CNTNAP5: variants seen among roughly 807,000 people sequenced by gnomAD.
CNTNAP5 encodes the protein contactin associated protein family member 5, also known as contactin-associated protein-like 5.
A neutral mutation model predicts 150.2 loss-of-function variants in CNTNAP5; 72 were observed. That is an observed-to-expected ratio of 0.48 (90% CI 0.40 to 0.58). The LOEUF (loss-of-function observed/expected upper bound fraction) is 0.58, where lower values mean the gene tolerates loss of function less well. CNTNAP5 is among the 20% of genes least tolerant of loss of function. The pLI is 0.00. For synonymous variants in CNTNAP5, 672 were observed against 619.8 expected, an observed-to-expected ratio of 1.08 and a Z score of -1.25; for missense variants, 1,636 against 1,626.2, an observed-to-expected ratio of 1.01 and a Z score of -0.10.
chr2:124,404,684 C>T (rs746647864), intron 3 of CNTNAP5, among the ~76,000 whole-genome samples: 6 of 152,218 alleles, frequency 3.9e-5, no homozygotes, highest in Non-Finnish European at 7.3e-5. Flanking sequence ...CGAGTAAGCT[C>T]TCCCTGTGAT....
At chr2:124,223,633 T>C (rs1187720282) in intron 2 of CNTNAP5, among the ~76,000 whole-genome samples, 4 of 151,882 alleles carry the variant, frequency 2.6e-5, no homozygotes, top group African/African-American at 7.2e-5. Context: ...TACTGCCTAA[T>C]AGCTCCTGAG....
intron 1 of CNTNAP5, among the ~76,000 whole-genome samples, chr2:124,208,892 G>A (rs1685932878): frequency 6.6e-6 from 1 of 152,148 alleles, no homozygotes; most frequent in Admixed American, 6.5e-5. Context: ...CATTAATTAA[G>A]CATTTTCTTT....
At chr2:124,259,900 A>G (rs1687408478) in intron 3 of CNTNAP5, among the ~76,000 whole-genome samples, 2 of 152,202 alleles carry the variant, frequency 1.3e-5, no homozygotes, top group Non-Finnish European at 2.9e-5. Flanking sequence ...TTCCATGCTC[A>G]TGTGTAGGAA....
At chr2:124,370,397 G>A (rs142356734) in intron 3 of CNTNAP5, among the ~76,000 whole-genome samples, 31 of 152,182 alleles carry the variant, frequency 2.0e-4, no homozygotes, top group Admixed American at 4.6e-4. Context: ...GGGTATTCCA[G>A]GTCACTCTGC....
At chr2:124,164,669 A>G (rs1352238180) in intron 1 of CNTNAP5, among the ~76,000 whole-genome samples, 4 of 152,192 alleles carry the variant, frequency 2.6e-5, no homozygotes, top group Non-Finnish European at 5.9e-5. Context: ...CGGAAGAGAA[A>G]GGCAGAAAGG....
chr2:124,581,886 G>T (rs1696422583), intron 11 of CNTNAP5, among the ~76,000 whole-genome samples: 1 of 152,220 alleles, frequency 6.6e-6, no homozygotes. Flanking sequence ...TCATATTGCA[G>T]TGTCGATGGT....
intron 21 of CNTNAP5, among the ~76,000 whole-genome samples, chr2:124,888,930 G>A (rs1314342664): frequency 6.6e-6 from 1 of 151,950 alleles, no homozygotes; most frequent in Non-Finnish European, 1.5e-5. Flanking sequence ...CTGTGCAGAA[G>A]CTCTTTAGTT....
intron 7 of CNTNAP5, among the ~76,000 whole-genome samples, chr2:124,491,207 A>G (rs1054292817): frequency 1.3e-5 from 2 of 152,162 alleles, no homozygotes; most frequent in South Asian, 2.1e-4. Context: ...TTTGATTAAC[A>G]TCTCTCCATT....
chr2:124,835,840 C>T (rs1217405708), intron 19 of CNTNAP5, among the ~76,000 whole-genome samples: 1 of 152,140 alleles, frequency 6.6e-6, no homozygotes, highest in East Asian at 1.9e-4. Flanking sequence ...CACTTGCTCT[C>T]TTCTGACTTA....
chr2:124,673,705 T>C (rs1231950225), intron 13 of CNTNAP5, among the ~76,000 whole-genome samples: 1 of 151,886 alleles, frequency 6.6e-6, no homozygotes, highest in African/African-American at 2.4e-5. Flanking sequence ...TTTCTGATTT[T>C]ATAGAGAAGC....
chr2:124,427,619 G>A (rs539180032), intron 4 of CNTNAP5, among the ~76,000 whole-genome samples: 53 of 151,988 alleles, frequency 3.5e-4, no homozygotes, highest in African/African-American at 1.2e-3. Context: ...AGGACGCCCG[G>A]CTAATTTTTG....
At chr2:124,387,019 T>C (rs1275153684) in intron 3 of CNTNAP5, among the ~76,000 whole-genome samples, 1 of 152,172 alleles carries the variant, frequency 6.6e-6, no homozygotes, top group African/African-American at 2.4e-5. Context: ...CTCTAAATGG[T>C]GAAGAGGACC....
At chr2:124,522,598 C>A (rs886538157) in intron 8 of CNTNAP5, among the ~76,000 whole-genome samples, 2 of 152,162 alleles carry the variant, frequency 1.3e-5, no homozygotes, top group African/African-American at 4.8e-5. Flanking sequence ...TGAAAAAATG[C>A]GGATGCCTGG....
intron 7 of CNTNAP5, among the ~76,000 whole-genome samples, chr2:124,496,261 G>T (rs956478141): frequency 1.3e-5 from 2 of 152,154 alleles, no homozygotes; most frequent in Admixed American, 1.3e-4. Context: ...TGAGCTCACA[G>T]GGCAGTCTTT....
chr2:124,734,212 G>T (rs1680333208), intron 13 of CNTNAP5, among the ~76,000 whole-genome samples: 1 of 152,072 alleles, frequency 6.6e-6, no homozygotes, highest in Non-Finnish European at 1.5e-5. Context: ...GTGGTGGGAT[G>T]GGAGGAAGGC....
At chr2:124,784,153 G>T (rs1681514430) in intron 17 of CNTNAP5, among the ~76,000 whole-genome samples, 1 of 152,140 alleles carries the variant, frequency 6.6e-6, no homozygotes, top group Non-Finnish European at 1.5e-5. Context: ...ATAAAGTAAG[G>T]CAGGAAGAAA....
At chr2:124,145,812 T>TAAAAAAAAAAAAAAAAAAAA in intron 1 of CNTNAP5, among the ~76,000 whole-genome samples, 5 of 64,174 alleles carry the variant, frequency 7.8e-5, no homozygotes, top group Admixed American at 2.5e-4. Context: ...AAAAAAACAT[T>TAAAAAAAAAAAAAAAAAAAA]AAAAAAAAAA....
chr2:124,634,042 T>A (rs1677921660), intron 12 of CNTNAP5, among the ~76,000 whole-genome samples: 1 of 152,180 alleles, frequency 6.6e-6, no homozygotes, highest in African/African-American at 2.4e-5. Context: ...GAGGCTGCCA[T>A]GGAGGTCTCT....
chr2:124,449,324 GA>G (rs1692907715), intron 6 of CNTNAP5, among the ~76,000 whole-genome samples: 1 of 151,544 alleles, frequency 6.6e-6, no homozygotes, highest in Non-Finnish European at 1.5e-5. Context: ...CCATCTCAAA[GA>G]AAAGAGATAT....
Sources: allele counts gnomAD v4.1 joint callset (sites outside exome capture counted in the v4.1 genomes callset), GRCh38; gene constraint gnomAD v4.1.1; transcripts MANE v1.5; gene names NCBI Gene and HGNC (gene_info 2026-07-23, HGNC 2026-07-21).